Variants in EDNRB observed in about 807,000 individuals in gnomAD.
EDNRB encodes the protein Hirschsprung disease 2.
A neutral mutation model predicts 46.4 loss-of-function variants in EDNRB; 18 were observed. That is an observed-to-expected ratio of 0.39 (90% CI 0.27 to 0.57). The LOEUF is 0.57. Among genes scored for constraint, EDNRB ranks in the 20% least tolerant of loss-of-function variants. EDNRB has a pLI of 0.61. For missense variants in EDNRB, 434 were observed against 537.5 expected (o/e 0.81, Z 1.90); for synonymous variants, 213 against 204.9 (o/e 1.04, Z -0.34).
chr13:77,944,377 A>T (rs893328036), intron 1 of EDNRB, among the ~76,000 whole-genome samples: 1 of 152,010 alleles, frequency 6.6e-6, no homozygotes, highest in Admixed American at 6.6e-5. Context: ...ATTCCTATAA[A>T]CTCTGAGTTT....
intron 1 of EDNRB, among the ~76,000 whole-genome samples, chr13:77,912,974 T>G (rs1021301469): frequency 2.0e-5 from 3 of 152,130 alleles, no homozygotes; most frequent in Non-Finnish European, 4.4e-5. Context: ...TTGGAATATG[T>G]GAATATACTT....
At chr13:77,931,744 C>CAAAAAAAAAAAAAAA (rs67176737) in intron 1 of EDNRB, among the ~76,000 whole-genome samples, 48 of 83,376 alleles carry the variant, frequency 5.8e-4, no homozygotes, top group East Asian at 1.4e-3. Flanking sequence ...ACTGTAGTAG[C>CAAAAAAAAAAAAAAA]AAAAAAAAAA....
At chr13:77,904,573 TTATAGA>T (rs1156421778) in intron 1 of EDNRB, among the ~76,000 whole-genome samples, 2 of 151,974 alleles carry the variant, frequency 1.3e-5, no homozygotes, top group East Asian at 3.9e-4. Context: ...GTTATTGCTA[TTATAGA>T]TATATATTTA....
At chr13:77,974,986 A>T (rs1881845254) in intron 1 of EDNRB, among the ~76,000 whole-genome samples, 1 of 152,168 alleles carries the variant, frequency 6.6e-6, no homozygotes, top group South Asian at 2.1e-4. Context: ...CATGCACACC[A>T]CAAAACAAAG....
chr13:77,957,086 A>G (rs1228933298), intron 1 of EDNRB, among the ~76,000 whole-genome samples: 2 of 152,198 alleles, frequency 1.3e-5, no homozygotes, highest in African/African-American at 4.8e-5. Context: ...ATATGGATTC[A>G]GTTGTAATAA....
At chr13:77,900,755 G>A in intron 4 of EDNRB, 101 bp from the exon 5 acceptor site, 1 of 1,535,274 alleles carries the variant, frequency 6.5e-7, no homozygotes, top group Non-Finnish European at 8.9e-7. Flanking sequence ...AAAAGTCAGT[G>A]GCATATGTAA....
rs538845842 is a variant in EDNRB, at chr13:77,975,091, A to G, written c.-52+256T>C. ...TATCCAGAAATTCAAGCCAAGTCAAAGACAAAACCAAAGTATCAAGCAATC... is the reference window on the plus strand; with the variant it reads ...TATCCAGAAATTCAAGCCAAGTCAAGGACAAAACCAAAGTATCAAGCAATC... On this transcript the variant is annotated intron_variant, in intron 1 of 7. Coordinates refer to the EDNRB transcript ENST00000646948. Among the ~76,000 whole-genome samples the G allele has an allele frequency of 1.2e-4, 18 of 152,326 alleles. No individual in the cohort carries two copies. In the South Asian group the frequency reaches 3.5e-3, roughly 30 times the overall value.
chr13:77,964,836 T>A (rs1431414763), intron 1 of EDNRB, among the ~76,000 whole-genome samples: 1 of 151,948 alleles, frequency 6.6e-6, no homozygotes, highest in Non-Finnish European at 1.5e-5. Flanking sequence ...GATTTGCTAA[T>A]CCTCTCTGCC....
At chr13:77,955,845 GTATCTATCTATCTATCTATC>G (rs61434836) in intron 1 of EDNRB, among the ~76,000 whole-genome samples, 10 of 145,636 alleles carry the variant, frequency 6.9e-5, no homozygotes, top group South Asian at 2.2e-4. Flanking sequence ...ATGTGTGTGT[GTATCTATCTATCTATCTATC>G]TATCTATCTA....
At position 77,934,918 on chromosome 13, in the gene EDNRB, T is replaced by C. The variant is rs150796869; in HGVS notation, c.-51-16294A>G. 3.4e-3 allele frequency among the ~76,000 whole-genome samples: 519 copies of C among 151,170 alleles called. 4 individuals are homozygous for C. Among genetic ancestry groups the C allele is most frequent in the African/African-American group, 0.012 (490 of 41,166 alleles). ...TTGAGGAACAGGAAAGAAGGAAATATGGGGAAATGGGGTGAATGTCAGGTG... is the reference window on the plus strand; with the variant it reads ...TTGAGGAACAGGAAAGAAGGAAATACGGGGAAATGGGGTGAATGTCAGGTG... On this transcript the variant is annotated intron_variant, in intron 1 of 7. Coordinates refer to the EDNRB transcript ENST00000646948.
chr13:77,918,591 A>G lies in EDNRB; in HGVS notation c.-18T>C. ...GGCTGCATGCTGCTACCTGCTCCAG[A>G]AGGCGTCCGGTGGCCGCTCCGCAGT... On this transcript the variant is annotated 5_prime_UTR_variant, in exon 1 of 7. Transcript: ENST00000646607. The surrounding 1 kb of genome is among the most constrained non-coding windows in gnomAD (Gnocchi z 4.5). The G allele has an allele frequency of 1.3e-6, 2 of 1,580,264 alleles. No individual in the cohort carries two copies. The highest frequency in any genetic ancestry group is 1.2e-5 in the South Asian group (1 of 85,902).
upstream of EDNRB, chr13:77,918,879 T>A: frequency 8.0e-7 from 1 of 1,254,906 alleles, no homozygotes; most frequent in Non-Finnish European, 1.0e-6. The surrounding 1 kb of genome is among the most constrained non-coding windows in gnomAD (Gnocchi z 4.5). Flanking sequence ...GGGCGGGGCG[T>A]TCTGGAAGGG....
At chr13:77,903,635 TAGG>T (rs1218346644) in intron 1 of EDNRB, 28 bp from the exon 2 acceptor site, 1 of 1,598,818 alleles carries the variant, frequency 6.3e-7, no homozygotes, top group Non-Finnish European at 8.6e-7. Context: ...GAAGCTCTGT[TAGG>T]GGGTTTCATA....
chr13:77,919,465 C>T (rs754723905), upstream of EDNRB: 8 of 1,612,666 alleles, frequency 5.0e-6, no homozygotes, highest in South Asian at 8.8e-5. Flanking sequence ...CGGAACCCAG[C>T]TGGGTTCCAG....
At chr13:77,970,616 C>T (rs957731265) in intron 1 of EDNRB, among the ~76,000 whole-genome samples, 4 of 151,978 alleles carry the variant, frequency 2.6e-5, no homozygotes, top group African/African-American at 9.7e-5. Context: ...TTGGCTAACA[C>T]TTTACTTGTG....
At chr13:77,971,340 TTTTGCCCAAGAG>T (rs1363715832) in intron 1 of EDNRB, among the ~76,000 whole-genome samples, 1 of 152,210 alleles carries the variant, frequency 6.6e-6, no homozygotes, top group African/African-American at 2.4e-5. Flanking sequence ...TATGTTTAGG[TTTTGCCCAAGAG>T]TTACTTTATC....
rs1483301349 is a variant in EDNRB at position 77,899,984 on chromosome 13, C to T, written c.1086-17G>A. 1 of 1,596,778 alleles carries T rather than the reference C, an allele frequency of 6.3e-7. No individual in the cohort carries two copies. The highest frequency in any genetic ancestry group is 1.7e-5 in the Admixed American group (1 of 59,714). Reference sequence around the variant, plus strand: ...AACAGAAAGCTGCAACAAAATAACCCAAAATGTGTCTGAAAAATATGCTAT... The same window carrying T: ...AACAGAAAGCTGCAACAAAATAACCTAAAATGTGTCTGAAAAATATGCTAT... On this transcript the variant is annotated splice_polypyrimidine_tract_variant and intron_variant, in intron 5 of 6. Transcript: ENST00000646607.
chr13:77,931,845 T>C (rs558334186), intron 1 of EDNRB, among the ~76,000 whole-genome samples: 1 of 144,482 alleles, frequency 6.9e-6, no homozygotes, highest in East Asian at 2.0e-4. Context: ...GCAATGAAAA[T>C]AGTTATGATT....
At chr13:77,898,440 G>T in intron 6 of EDNRB, 106 bp from the exon 7 acceptor site, 2 of 1,516,624 alleles carry the variant, frequency 1.3e-6, no homozygotes, top group Non-Finnish European at 8.9e-7. Context: ...GAGTTCTTGG[G>T]CCCTTTCTTT....
Sources: allele counts gnomAD v4.1 joint callset (sites outside exome capture counted in the v4.1 genomes callset), GRCh38; gene constraint gnomAD v4.1.1; non-coding constraint Gnocchi (gnomAD v3.1); transcripts MANE v1.5; gene names NCBI Gene and HGNC (gene_info 2026-07-23, HGNC 2026-07-21).